COP1: variants seen among roughly 807,000 people sequenced by gnomAD.
COP1 encodes COP1 E3 ubiquitin ligase.
In COP1, 24 loss-of-function variants were observed where a neutral mutation model predicts 101.3. The ratio of observed to expected loss-of-function variants is 0.24; its 90% CI spans 0.17 to 0.33. The LOEUF is 0.33. COP1 is among the 10% of genes least tolerant of loss of function. The pLI, the probability that COP1 is intolerant of heterozygous loss-of-function variation, is 1.00. For missense variants in COP1, 663 were observed against 906.2 expected (o/e 0.73, Z 3.45); for synonymous variants, 347 against 341.9 (o/e 1.01, Z -0.17).
intron 1 of COP1, among the ~76,000 whole-genome samples, chr1:176,200,892 G>T (rs953063306): frequency 2.0e-5 from 3 of 152,106 alleles, no homozygotes; most frequent in Non-Finnish European, 1.5e-5. Context: ...AACAGATCAA[G>T]AACTTTAAAA....
chr1:176,104,678 G>A (rs1684006138), intron 9 of COP1, among the ~76,000 whole-genome samples: 1 of 152,214 alleles, frequency 6.6e-6, no homozygotes, highest in Non-Finnish European at 1.5e-5. Flanking sequence ...AGGTGCTGTG[G>A]GGAAAACAGA....
At chr1:176,153,034 C>T (rs12239888) in intron 5 of COP1, among the ~76,000 whole-genome samples, 9,000 of 151,992 alleles carry the variant, frequency 0.059, 607 homozygotes, top group African/African-American at 0.16. Flanking sequence ...TCTTCCAAAG[C>T]GTATGTGGAC....
chr1:176,084,344 G>A (rs183953410), intron 10 of COP1, among the ~76,000 whole-genome samples: 4 of 152,158 alleles, frequency 2.6e-5, no homozygotes, highest in Admixed American at 6.5e-5. Context: ...TTTTTCCAAC[G>A]AAATAAGAGG....
intron 6 of COP1, among the ~76,000 whole-genome samples, chr1:176,137,619 G>C (rs935824399): frequency 2.6e-5 from 4 of 152,142 alleles, no homozygotes; most frequent in African/African-American, 9.7e-5. Flanking sequence ...AAATCATTCT[G>C]TAAGTGGCAG....
intron 9 of COP1, among the ~76,000 whole-genome samples, chr1:176,102,796 T>C (rs1683638207): frequency 6.6e-6 from 1 of 152,234 alleles, no homozygotes; most frequent in Non-Finnish European, 1.5e-5. Flanking sequence ...GACCCTGCAC[T>C]TGATGGATCA....
chr1:176,114,524 C>T (rs1572325666), intron 9 of COP1, among the ~76,000 whole-genome samples: 1 of 149,034 alleles, frequency 6.7e-6, no homozygotes, highest in East Asian at 2.0e-4. Context: ...AATAAATGTT[C>T]ATTAAAAACA....
chr1:176,135,918 G>A (rs535946448), intron 7 of COP1, among the ~76,000 whole-genome samples: 2 of 105,502 alleles, frequency 1.9e-5, no homozygotes, highest in Admixed American at 1.1e-4. Flanking sequence ...CATGTTCTAT[G>A]TATCAGCAAA....
intron 9 of COP1, among the ~76,000 whole-genome samples, chr1:176,090,133 C>T (rs1363880183): frequency 6.6e-6 from 1 of 152,158 alleles, no homozygotes; most frequent in Non-Finnish European, 1.5e-5. Flanking sequence ...TGGATAGTAA[C>T]TTAACTCTTT....
intron 15 of COP1, among the ~76,000 whole-genome samples, chr1:176,007,649 G>T (rs1204751119): frequency 6.6e-6 from 1 of 151,948 alleles, no homozygotes. Flanking sequence ...TCCCAGTTAG[G>T]CTGCTCAGGG....
chr1:176,146,141 G>A (rs1648924150), intron 6 of COP1, among the ~76,000 whole-genome samples: 1 of 152,088 alleles, frequency 6.6e-6, no homozygotes, highest in African/African-American at 2.4e-5. Flanking sequence ...ATTTCCAAAA[G>A]TACATTTTAA....
intron 18 of COP1, among the ~76,000 whole-genome samples, chr1:175,983,658 A>G (rs2148700715): frequency 6.6e-6 from 1 of 152,340 alleles, no homozygotes; most frequent in Non-Finnish European, 1.5e-5. Flanking sequence ...TAGAGGGTTC[A>G]GAAGACAGGA....
At chr1:175,976,244 A>G (rs183002732) in intron 18 of COP1, among the ~76,000 whole-genome samples, 5 of 136,340 alleles carry the variant, frequency 3.7e-5, no homozygotes, top group Admixed American at 1.5e-4. Context: ...AAATACCCAT[A>G]TAAGTCTCTA....
chr1:176,060,476 A>C (rs1674643702), intron 11 of COP1, among the ~76,000 whole-genome samples: 1 of 152,244 alleles, frequency 6.6e-6, no homozygotes. Flanking sequence ...TTTAGTAAAC[A>C]CTTTGAAATG....
At chr1:175,987,736 G>C (rs1202864904) in intron 17 of COP1, among the ~76,000 whole-genome samples, 1 of 152,188 alleles carries the variant, frequency 6.6e-6, no homozygotes, top group Non-Finnish European at 1.5e-5. Context: ...TCATTTAAAA[G>C]TATGATCAAA....
intron 15 of COP1, among the ~76,000 whole-genome samples, chr1:176,002,489 A>G (rs910569968): frequency 9.3e-5 from 14 of 150,340 alleles, no homozygotes; most frequent in African/African-American, 2.9e-4. Context: ...ATATCTCCCA[A>G]TGCTATCCCT....
At chr1:175,993,380 C>A (rs1319826138) in intron 15 of COP1, among the ~76,000 whole-genome samples, 1 of 152,184 alleles carries the variant, frequency 6.6e-6, no homozygotes, top group East Asian at 1.9e-4. Context: ...AGCAACGGAA[C>A]AAAGCTGGAT....
At chr1:176,063,791 GC>G (rs1441178259) in intron 11 of COP1, among the ~76,000 whole-genome samples, 7 of 152,148 alleles carry the variant, frequency 4.6e-5, no homozygotes, top group African/African-American at 1.7e-4. Context: ...GAAACTTTCT[GC>G]TATACATACC....
intron 18 of COP1, among the ~76,000 whole-genome samples, chr1:175,947,545 T>G (rs1484605286): frequency 6.6e-6 from 1 of 152,022 alleles, no homozygotes; most frequent in Non-Finnish European, 1.5e-5. Flanking sequence ...AATTTTTGTA[T>G]TTTTAGTAGA....
At chr1:176,005,910 C>T (rs1439391336) in intron 15 of COP1, among the ~76,000 whole-genome samples, 1 of 152,042 alleles carries the variant, frequency 6.6e-6, no homozygotes, top group Non-Finnish European at 1.5e-5. Context: ...TCCTTGTTGA[C>T]TTTCTGTCTC....
Sources: allele counts gnomAD v4.1 joint callset (sites outside exome capture counted in the v4.1 genomes callset), GRCh38; gene constraint gnomAD v4.1.1; transcripts MANE v1.5; gene names NCBI Gene and HGNC (gene_info 2026-07-23, HGNC 2026-07-21).